BTBD9: variants seen among roughly 807,000 people sequenced by gnomAD.
The protein encoded by BTBD9 is BTB/POZ domain-containing protein 9.
Under a neutral mutation model 64.3 loss-of-function variants are expected in BTBD9, and 49 were observed. That is an observed-to-expected ratio of 0.76 (90% confidence interval 0.61 to 0.97). BTBD9 has a LOEUF of 0.97. Among genes scored for constraint, BTBD9 ranks in the 50% least tolerant of loss-of-function variants. The pLI is 0.00. For synonymous variants in BTBD9, 260 were observed against 274.7 expected, an observed-to-expected ratio of 0.95 and a Z score of 0.53; for missense variants, 598 against 762.1, an observed-to-expected ratio of 0.78 and a Z score of 2.53.
intron 9 of BTBD9, among the ~76,000 whole-genome samples, chr6:38,202,091 T>G (rs77329006): frequency 3.3e-5 from 5 of 149,634 alleles, no homozygotes; most frequent in African/African-American, 9.9e-5. Flanking sequence ...TTTTGTTTTT[T>G]TTTTTTTTTT....
chr6:38,209,482 T>C (rs1433042766), intron 9 of BTBD9, among the ~76,000 whole-genome samples: 5 of 152,268 alleles, frequency 3.3e-5, no homozygotes, highest in Non-Finnish European at 7.4e-5. Flanking sequence ...CCCTTGGCTG[T>C]GGTTAGCAGA....
chr6:38,251,906 AAAGT>A (rs1764417145), intron 9 of BTBD9, among the ~76,000 whole-genome samples: 1 of 152,072 alleles, frequency 6.6e-6, no homozygotes, highest in Non-Finnish European at 1.5e-5. Flanking sequence ...AAAAAAAAAA[AAAGT>A]GAGAGCTTTT....
At chr6:38,588,070 A>G in intron 4 of BTBD9, 2 of 728,894 alleles carry the variant, frequency 2.7e-6, no homozygotes, top group African/African-American at 1.7e-5. Context: ...AGCTGTATCA[A>G]TAGTACCAGC....
At chr6:38,371,078 C>T (rs2127604910) in intron 6 of BTBD9, among the ~76,000 whole-genome samples, 1 of 152,200 alleles carries the variant, frequency 6.6e-6, no homozygotes, top group African/African-American at 2.4e-5. Context: ...GTTTATCATC[C>T]AGGACTTATC....
intron 6 of BTBD9, among the ~76,000 whole-genome samples, chr6:38,510,526 T>C (rs1314221603): frequency 1.1e-5 from 1 of 93,722 alleles, no homozygotes; most frequent in Non-Finnish European, 2.9e-5. Flanking sequence ...AAAATTTTCT[T>C]TCTTCAGTAG....
At chr6:38,445,796 G>C (rs1057180207) in intron 6 of BTBD9, among the ~76,000 whole-genome samples, 7 of 152,116 alleles carry the variant, frequency 4.6e-5, no homozygotes, top group Admixed American at 4.6e-4. Flanking sequence ...CATTTGTATT[G>C]ATACTGTTAC....
intron 1 of BTBD9, among the ~76,000 whole-genome samples, chr6:38,627,711 T>G (rs1188553581): frequency 1.3e-5 from 2 of 152,204 alleles, no homozygotes; most frequent in Admixed American, 1.3e-4. Flanking sequence ...TTGTACCATT[T>G]TTATAAATTA....
intron 8 of BTBD9, among the ~76,000 whole-genome samples, chr6:38,282,908 C>CATTT (rs1554135026): frequency 6.6e-6 from 1 of 152,000 alleles, no homozygotes; most frequent in East Asian, 1.9e-4. Context: ...TAAAAAACAG[C>CATTT]GTTTATTATC....
At chr6:38,267,246 G>A (rs1366903170) in intron 8 of BTBD9, among the ~76,000 whole-genome samples, 3 of 152,332 alleles carry the variant, frequency 2.0e-5, no homozygotes, top group South Asian at 2.1e-4. Flanking sequence ...AATAGCTGAA[G>A]GCAATATGCA....
At chr6:38,597,252 C>T (rs1441672596) in intron 2 of BTBD9, among the ~76,000 whole-genome samples, 1 of 152,186 alleles carries the variant, frequency 6.6e-6, no homozygotes, top group African/African-American at 2.4e-5. Context: ...ATTTTAGATA[C>T]CAAGTTTCCC....
At chr6:38,294,589 G>T (rs886233221) in intron 7 of BTBD9, among the ~76,000 whole-genome samples, 1 of 152,080 alleles carries the variant, frequency 6.6e-6, no homozygotes, top group Admixed American at 6.6e-5. Flanking sequence ...ACTCATAAGT[G>T]GGAGTTAAAC....
chr6:38,323,344 A>G (rs1009618997), intron 7 of BTBD9, among the ~76,000 whole-genome samples: 1 of 152,168 alleles, frequency 6.6e-6, no homozygotes, highest in Non-Finnish European at 1.5e-5. Flanking sequence ...CAAAGAACTC[A>G]GTTTTCCTCT....
intron 6 of BTBD9, among the ~76,000 whole-genome samples, chr6:38,360,981 G>A (rs2127597866): frequency 6.6e-6 from 1 of 152,324 alleles, no homozygotes; most frequent in Admixed American, 6.5e-5. Context: ...GGAGGACCAG[G>A]ATCTGACCTA....
At chr6:38,583,936 T>C (rs1776401043) in intron 4 of BTBD9, among the ~76,000 whole-genome samples, 1 of 152,120 alleles carries the variant, frequency 6.6e-6, no homozygotes, top group Non-Finnish European at 1.5e-5. Context: ...AGAATCATCA[T>C]GAGAAAATTC....
chr6:38,240,003 G>C (rs1763939989), intron 9 of BTBD9, among the ~76,000 whole-genome samples: 1 of 152,176 alleles, frequency 6.6e-6, no homozygotes, highest in Non-Finnish European at 1.5e-5. Context: ...CAAGGTTATT[G>C]TTGGCAATAC....
chr6:38,550,310 TTTTTCTTTTTTC>T (rs1190001341), intron 6 of BTBD9, among the ~76,000 whole-genome samples: 4 of 106,758 alleles, frequency 3.7e-5, no homozygotes, highest in African/African-American at 1.8e-4. Context: ...TTTCTTTTTC[TTTTTCTTTTTTC>T]TTTTTTTTTT....
chr6:38,506,709 C>A (rs1041224014), intron 6 of BTBD9, among the ~76,000 whole-genome samples: 1 of 152,250 alleles, frequency 6.6e-6, no homozygotes, highest in African/African-American at 2.4e-5. Flanking sequence ...ACTGACCCCT[C>A]TGCTTCTGTT....
chr6:38,288,455 A>G lies in BTBD9; in HGVS notation c.1271T>C (p.Met424Thr), dbSNP rs770458670. 5.6e-6 allele frequency: 9 copies of G among 1,613,796 alleles called. No homozygotes were observed. Among genetic ancestry groups the G allele is most frequent in the African/African-American group, 1.3e-5 (1 of 75,048 alleles). Residue 424 changes from methionine to threonine, a missense_variant, in exon 8 of 11, where the codon ATG (methionine) becomes ACG (threonine). Met to Thr is a moderately conservative substitution (Grantham distance 81, BLOSUM62 -1). Transcript: ENST00000481247. Reference protein sequence around the residue: ...FTLEKGLIVPMENVATIADCA... With the variant: ...FTLEKGLIVPTENVATIADCA... The stretch of plus-strand genomic sequence containing the variant: ...ATCAGCAATTGTTGCAACATTCTCC[A>G]TGGGAACTGTGAATCCAAAAACAAG...
intron 10 of BTBD9, among the ~76,000 whole-genome samples, chr6:38,178,249 G>A (rs1027495683): frequency 1.3e-5 from 2 of 152,196 alleles, no homozygotes; most frequent in Admixed American, 1.3e-4. Flanking sequence ...ATGGATAGGC[G>A]GGTGAAGACA....
Sources: gnomAD v4.1 joint callset for allele counts (sites outside exome capture counted in the v4.1 genomes callset) on GRCh38, gnomAD v4.1.1 for gene constraint, MANE v1.5 for transcripts, NCBI Gene and HGNC (gene_info 2026-07-23, HGNC 2026-07-21) for gene names.